TRIP11: variants seen among roughly 807,000 people sequenced by gnomAD.
The protein encoded by TRIP11 is thyroid receptor-interacting protein 11.
A neutral mutation model predicts 223.1 loss-of-function variants in TRIP11; 148 were observed. The ratio of observed to expected loss-of-function variants is 0.66; its 90% CI spans 0.58 to 0.76. The LOEUF is 0.76. TRIP11 is among the 30% of genes least tolerant of loss of function. The pLI is 0.00. For synonymous variants in TRIP11, 762 were observed against 772.6 expected (o/e 0.99, Z 0.23); for missense variants, 2,043 against 2,222.0 (o/e 0.92, Z 1.62).
At chr14:92,021,919 A>G in intron 3 of TRIP11, 88 bp from the exon 4 acceptor site, 1 of 1,415,448 alleles carries the variant, frequency 7.1e-7, no homozygotes, top group Non-Finnish European at 9.8e-7. Context: ...GACACAATAC[A>G]ATAATTTGTC....
At chr14:92,012,767 A>G (rs577953975) in intron 7 of TRIP11, among the ~76,000 whole-genome samples, 1 of 152,360 alleles carries the variant, frequency 6.6e-6, no homozygotes, top group East Asian at 1.9e-4. Flanking sequence ...GCATGGGAAT[A>G]GTTGAAACTG....
At chr14:92,001,528 T>C (rs193130745) in intron 11 of TRIP11, among the ~76,000 whole-genome samples, 88 of 152,322 alleles carry the variant, frequency 5.8e-4, no homozygotes, top group African/African-American at 2.1e-3. Flanking sequence ...TTATATTATA[T>C]ACAGAGTATT....
intron 4 of TRIP11, among the ~76,000 whole-genome samples, chr14:92,021,069 C>CAAAAA (rs1195189927): frequency 1.2e-4 from 8 of 65,310 alleles, no homozygotes; most frequent in Admixed American, 2.0e-4. Flanking sequence ...GACTCTGTCT[C>CAAAAA]AAAAAAAAAA....
rs551549089 is a variant in TRIP11 at position 92,009,494 on chromosome 14, CAG to C, written c.1314+1490_1314+1491del. Among the ~76,000 whole-genome samples the C allele has an allele frequency of 5.4e-3, 828 of 152,194 alleles. 8 individuals are homozygous for C. Among genetic ancestry groups the C allele is most frequent in the African/African-American group, 0.019 (795 of 41,526 alleles). On this transcript the variant is annotated intron_variant, in intron 9 of 20. Transcript: ENST00000267622. ...GGTTACAGGCCCTGCCAGGTAAGTG[CAG>C]AGAGTTCTGCAAACTACAAACGACT...
At position 91,968,880 on chromosome 14, in the gene TRIP11, T is replaced by C. The variant is rs1256715738; in HGVS notation, c.*793A>G. 1 of 233,390 alleles carries C rather than the reference T, an allele frequency of 4.3e-6. No individual in the cohort carries two copies. The highest frequency in any genetic ancestry group is 8.5e-6 in the Non-Finnish European group (1 of 117,488). 14.5% of individuals were successfully genotyped at this position (233,390 alleles called of 1,614,324 possible). ...GGGCCAGGGAGAGAGGTGGCAATGA[T>C]TATGAGAGGGCAACACAGGGGGATG... On this transcript the variant is annotated 3_prime_UTR_variant, in exon 21 of 21. Transcript: ENST00000267622.
intron 13 of TRIP11, among the ~76,000 whole-genome samples, chr14:91,996,510 C>G (rs965632195): frequency 6.6e-6 from 1 of 152,146 alleles, no homozygotes; most frequent in Non-Finnish European, 1.5e-5. Context: ...CCACTGTACT[C>G]TAGCCTGGGC....
At chr14:92,024,115 C>G (rs1055098990) in intron 3 of TRIP11, among the ~76,000 whole-genome samples, 2 of 152,048 alleles carry the variant, frequency 1.3e-5, no homozygotes, top group Admixed American at 1.3e-4. Context: ...CGGTGGCTCA[C>G]GCCTGTAATC....
At chr14:92,032,323 T>A (rs1265146841) in intron 2 of TRIP11, among the ~76,000 whole-genome samples, 1 of 151,938 alleles carries the variant, frequency 6.6e-6, no homozygotes, top group African/African-American at 2.4e-5. Flanking sequence ...AATTTTTTTG[T>A]ATTTTTAGTT....
chr14:92,016,938 T>C (rs1349702657), intron 5 of TRIP11, among the ~76,000 whole-genome samples: 2 of 152,188 alleles, frequency 1.3e-5, no homozygotes, highest in East Asian at 3.8e-4. Context: ...CACAATAATA[T>C]ATGCAACTAA....
At chr14:92,014,619 C>T (rs1216543707) in intron 6 of TRIP11, 42 bp from the exon 7 acceptor site, 2 of 1,578,124 alleles carry the variant, frequency 1.3e-6, no homozygotes, top group African/African-American at 1.4e-5. Flanking sequence ...ATGTCAAGTA[C>T]CAAGAAATAA....
rs778590769 is a variant in TRIP11, at chr14:92,006,319, T to C, written c.1657A>G (p.Ile553Val). 2 of 1,610,520 alleles carry C rather than the reference T, an allele frequency of 1.2e-6. No homozygotes were observed. Among genetic ancestry groups the C allele is most frequent in the South Asian group, 1.1e-5 (1 of 90,108 alleles). ...VHQLEDDKMD[I>V]TKELDVQKEK... ...TTCTGTACATCTAACTCTTTAGTAA[T>C]GTCCATTTTATCATCTTCAAGTTGA... Residue 553 changes from isoleucine to valine, a missense_variant, in exon 11 of 21, where the codon ATT (isoleucine) becomes GTT (valine). Ile to Val is a conservative substitution (Grantham distance 29, BLOSUM62 3). Transcript: ENST00000267622.
chr14:91,993,753 A>G (rs529641664), intron 15 of TRIP11, 56 bp downstream of exon 15: 1 of 1,370,226 alleles, frequency 7.3e-7, no homozygotes, highest in South Asian at 1.2e-5. Context: ...CAAAGACTCT[A>G]CAAGTAACTG....
intron 11 of TRIP11, among the ~76,000 whole-genome samples, chr14:92,002,870 C>T (rs998422600): frequency 3.9e-5 from 6 of 152,060 alleles, no homozygotes; most frequent in African/African-American, 7.2e-5. Context: ...CATGAGCCAC[C>T]GCGCCCAGCC....
At chr14:91,977,366 G>A (rs1290117174) in intron 16 of TRIP11, 9 of 303,890 alleles carry the variant, frequency 3.0e-5, no homozygotes, top group Admixed American at 8.8e-5. Flanking sequence ...TGTTTTAAGC[G>A]TTTTATAGTT....
In TRIP11 at chr14:92,005,733, T is replaced by C; in HGVS notation, c.2243A>G (p.Asn748Ser). The change falls in exon 11 of 21, where the codon AAT becomes AGT. Residue 748 changes from asparagine (N) to serine (S), a missense_variant. By Grantham distance (46) the Asn-to-Ser change is conservative. Coordinates refer to ENST00000267622, the MANE Select transcript of TRIP11 (RefSeq NM_004239.4). Reference protein sequence around the residue: ...KYEKTIEELSNARNLNTSALQ... With the variant: ...KYEKTIEELSSARNLNTSALQ... ...GGCAGAGGTATTCAAATTACGTGCATTTGACAGTTCTTCAATGGTTTTCTC... is the reference window on the plus strand; with the variant it reads ...GGCAGAGGTATTCAAATTACGTGCACTTGACAGTTCTTCAATGGTTTTCTC... 1 of 1,614,076 alleles carries C rather than the reference T, an allele frequency of 6.2e-7. No homozygotes were observed. The highest frequency in any genetic ancestry group is 8.5e-7 in the Non-Finnish European group (1 of 1,180,020).
intron 15 of TRIP11, among the ~76,000 whole-genome samples, chr14:91,990,877 C>T (rs920289696): frequency 1.3e-5 from 2 of 152,124 alleles, no homozygotes; most frequent in Non-Finnish European, 2.9e-5. Context: ...ACTCTGGATC[C>T]ACTAGAAACC....
chr14:92,039,748 G>T lies in TRIP11; in HGVS notation c.-63C>A. ...AAAAGAAAACGTTTAGCGCCGCCGG[G>T]CGATCCGACCAAATATCCTTGAACG... On this transcript the variant is annotated 5_prime_UTR_variant, in exon 1 of 21. Coordinates refer to ENST00000267622, the MANE Select transcript of TRIP11 (RefSeq NM_004239.4). 1.9e-6 allele frequency: 3 copies of T among 1,565,474 alleles called. No individual in the cohort carries two copies.
At chr14:91,977,612 CTTT>C (rs375940706) in intron 16 of TRIP11, among the ~76,000 whole-genome samples, 4 of 144,354 alleles carry the variant, frequency 2.8e-5, no homozygotes. Context: ...TCATTCTTTT[CTTT>C]TTTTTTTTTT....
At chr14:91,995,007 G>T (rs911061758) in intron 14 of TRIP11, among the ~76,000 whole-genome samples, 2 of 152,048 alleles carry the variant, frequency 1.3e-5, no homozygotes, top group Non-Finnish European at 2.9e-5. Context: ...TTGTATGTGC[G>T]TATCTCTCTT....
Sources: gnomAD v4.1 joint callset for allele counts (sites outside exome capture counted in the v4.1 genomes callset) on GRCh38, gnomAD v4.1.1 for gene constraint, MANE v1.5 for transcripts, NCBI Gene and HGNC (gene_info 2026-07-23, HGNC 2026-07-21) for gene names.